The following ACSM1 variants were observed in gnomAD, a reference collection of about 807,000 sequenced individuals.
ACSM1 encodes the protein acyl-coenzyme A synthetase ACSM1, mitochondrial.
Under a neutral mutation model 75.8 loss-of-function variants are expected in ACSM1, and 79 were observed. The ratio of observed to expected loss-of-function variants is 1.04; its 90% CI spans 0.87 to 1.26. The LOEUF is 1.26. Among genes scored for constraint, ACSM1 ranks in the 50% most tolerant of loss-of-function variants. The probability of loss-of-function intolerance (pLI) is 0.00; values close to 1 mark genes in which losing one functional copy is unlikely to be tolerated. For synonymous variants in ACSM1, 279 were observed against 265.8 expected, an observed-to-expected ratio of 1.05 and a Z score of -0.48; for missense variants, 676 against 720.1, an observed-to-expected ratio of 0.94 and a Z score of 0.70.
intron 7 of ACSM1, among the ~76,000 whole-genome samples, chr16:20,644,538 AACACAC>A (rs56275246): frequency 0.2 from 28,820 of 144,908 alleles, 4,246 homozygotes; most frequent in African/African-American, 0.43. Context: ...GTGATTGAGG[AACACAC>A]ACACACACAC....
At chr16:20,630,088 G>C (rs1361015604) in intron 10 of ACSM1, among the ~76,000 whole-genome samples, 2 of 151,038 alleles carry the variant, frequency 1.3e-5, no homozygotes, top group Non-Finnish European at 2.9e-5. Flanking sequence ...TTGGGTTGTG[G>C]GTTGTTATAC....
intron 10 of ACSM1, among the ~76,000 whole-genome samples, chr16:20,629,936 G>A (rs1396420555): frequency 1.3e-5 from 2 of 148,806 alleles, no homozygotes; most frequent in African/African-American, 5.0e-5. Context: ...ATATTGCAGT[G>A]AGCTGAAATC....
intron 10 of ACSM1, among the ~76,000 whole-genome samples, chr16:20,629,802 G>A (rs2152192575): frequency 6.6e-6 from 1 of 152,118 alleles, no homozygotes; most frequent in East Asian, 1.9e-4. Context: ...GACCATCCTG[G>A]CCAACATGGT....
At chr16:20,689,994 T>A (rs1338087819) in intron 2 of ACSM1, among the ~76,000 whole-genome samples, 1 of 152,156 alleles carries the variant, frequency 6.6e-6, no homozygotes, top group Non-Finnish European at 1.5e-5. Flanking sequence ...ACAGTACACA[T>A]CTAATTAGAT....
At position 20,682,287 on chromosome 16, in the gene ACSM1, C is replaced by A; in HGVS notation, c.580G>T (p.Glu194Ter). 6.2e-7 allele frequency: 1 copy of A among 1,613,616 alleles called. No homozygotes were observed. Among genetic ancestry groups the A allele is most frequent in the Non-Finnish European group, 8.5e-7 (1 of 1,179,980 alleles). The part of the protein sequence containing the change: ...TKLLVSDHSR[E>*]GWLDFRSLVK... ...AGCGATCGGAAGTCCAGCCACCCTT[C>A]ACGGCTGTGATCAGACACCAGGAGC... The change falls in exon 4 of 14, where the codon GAA becomes TAA. Residue 194 changes from glutamate (E) to a stop codon, truncating the protein, a stop_gained. Coordinates refer to ENST00000520010, the MANE Select transcript of ACSM1 (RefSeq NM_001318890.3). LOFTEE classifies it high-confidence loss of function.
At chr16:20,631,275 G>A (rs528700542) in intron 10 of ACSM1, among the ~76,000 whole-genome samples, 101 of 152,162 alleles carry the variant, frequency 6.6e-4, no homozygotes, top group African/African-American at 2.4e-3. Flanking sequence ...TTTTTAAAGG[G>A]CACTAATATC....
intron 10 of ACSM1, among the ~76,000 whole-genome samples, chr16:20,635,614 TTCTTTCTTTCTTTCTTTCTTTCTTTC>T (rs2017644923): frequency 1.9e-5 from 2 of 107,854 alleles, no homozygotes; most frequent in Non-Finnish European, 4.0e-5. Context: ...CTTTCTTTCT[TTCTTTCTTTCTTTCTTTCTTTCTTTC>T]TTTCTTTCTT....
chr16:20,661,465 T>C (rs1047646583), intron 7 of ACSM1, among the ~76,000 whole-genome samples: 2 of 152,170 alleles, frequency 1.3e-5, no homozygotes, highest in Admixed American at 6.6e-5. Flanking sequence ...GTTATGTTTT[T>C]TTGACTTGGT....
Position 20,624,134 on chromosome 16 carries a change from C to T in ACSM1, c.1609G>A (p.Val537Ile), listed in dbSNP as rs780537810. The change falls in exon 13 of 14, where the codon GTC (valine) becomes ATC (isoleucine). Residue 537 changes from valine (V) to isoleucine (I), a missense_variant. Coordinates refer to ENST00000520010, the MANE Select transcript of ACSM1 (RefSeq NM_001318890.3). ...DQLTKELQQH[V>I]KSVTAPYKYP... The stretch of plus-strand genomic sequence containing the variant: ...TTGTATGGGGCTGTCACTGACTTGA[C>T]ATGCTGCTGCAGTTCCTTGGTCAGC... The T allele has an allele frequency of 1.2e-6, 2 of 1,613,412 alleles. No homozygotes were observed. The highest frequency in any genetic ancestry group is 3.3e-5 in the Admixed American group (2 of 60,006).
At chr16:20,637,342 G>A in intron 9 of ACSM1, 29 bp downstream of exon 9, 1 of 1,600,262 alleles carries the variant, frequency 6.2e-7, no homozygotes, top group African/African-American at 1.3e-5. Context: ...AGCCCTAACT[G>A]CTCCCTGCCA....
chr16:20,682,765 A>G (rs1179680216), intron 3 of ACSM1, among the ~76,000 whole-genome samples: 5 of 152,210 alleles, frequency 3.3e-5, no homozygotes, highest in Non-Finnish European at 5.9e-5. Context: ...TGCTTTACAC[A>G]CATTTACACA....
chr16:20,696,397 G>T (rs1350145775), intron 1 of ACSM1, among the ~76,000 whole-genome samples: 3 of 152,200 alleles, frequency 2.0e-5, no homozygotes, highest in Non-Finnish European at 4.4e-5. Context: ...CATAGTAAGT[G>T]CTCAACAAAA....
intron 4 of ACSM1, chr16:20,681,276 A>T (rs969704518): frequency 6.6e-6 from 1 of 152,240 alleles, no homozygotes; most frequent in Admixed American, 6.5e-5. Context: ...GCATTAGATT[A>T]TCACTTAGCC....
intron 5 of ACSM1, 150 bp from the exon 6 acceptor site, chr16:20,670,136 C>T: frequency 1.4e-6 from 1 of 702,830 alleles, no homozygotes; most frequent in Non-Finnish European, 2.4e-6. Flanking sequence ...GGCCAGGTCT[C>T]AAAGGTGTAC....
chr16:20,689,992 C>G (rs1368689170), intron 2 of ACSM1, among the ~76,000 whole-genome samples: 2 of 152,206 alleles, frequency 1.3e-5, no homozygotes, highest in South Asian at 2.1e-4. Context: ...TAACAGTACA[C>G]ATCTAATTAG....
rs748661203 is a variant in ACSM1 at position 20,685,316 on chromosome 16, G to A, written c.280C>T (p.Leu94=). ...AAGACGTTGGCTACACGGCGGGTTA[G>A]GTCTCCCATCTCTCTGAAGCTCCAC... ...VKWSFREMGD[L]TRRVANVFTQ... is the part of the protein sequence containing the mutation. The change falls in exon 3 of 14, where the codon CTA becomes TTA. Residue 94 remains leucine (L), a synonymous_variant. Coordinates refer to ENST00000520010, the MANE Select transcript of ACSM1 (RefSeq NM_001318890.3). The A allele has an allele frequency of 2.5e-6, 4 of 1,614,156 alleles. No individual in the cohort carries two copies. The East Asian group carries it at 8.9e-5, about 36-fold the overall frequency.
At chr16:20,640,355 G>A in intron 8 of ACSM1, 106 bp downstream of exon 8, 1 of 1,311,920 alleles carries the variant, frequency 7.6e-7, no homozygotes, top group Non-Finnish European at 1.1e-6. Context: ...CATCTTTGGG[G>A]AAAGGCACAA....
At position 20,691,177 on chromosome 16, in the gene ACSM1, T is replaced by C. The variant is rs1477181391; in HGVS notation, c.12A>G (p.Leu4=). The change falls in exon 2 of 14, where the codon CTA becomes CTG. Residue 4 remains leucine (L), a synonymous_variant. Transcript: ENST00000520010. ...TGCCCCAGAGGGTCCGGAACCTCATTAGCCACTGCATGGTGAAACAGTCCT... is the reference window on the plus strand; with the variant it reads ...TGCCCCAGAGGGTCCGGAACCTCATCAGCCACTGCATGGTGAAACAGTCCT... MQW[L]MRFRTLWGIH... 1 of 1,591,920 alleles carries C rather than the reference T, an allele frequency of 6.3e-7. No individual in the cohort carries two copies. The highest frequency in any genetic ancestry group is 2.3e-5 in the East Asian group (1 of 43,640).
intron 4 of ACSM1, among the ~76,000 whole-genome samples, chr16:20,672,479 T>A (rs868264323): frequency 0.014 from 1,308 of 96,606 alleles, 15 homozygotes; most frequent in Middle Eastern, 0.033. Flanking sequence ...AAAATATATA[T>A]ATATATATAT....
Sources: allele counts gnomAD v4.1 joint callset (sites outside exome capture counted in the v4.1 genomes callset), GRCh38; gene constraint gnomAD v4.1.1; transcripts MANE v1.5; gene names NCBI Gene and HGNC (gene_info 2026-07-23, HGNC 2026-07-21).